DPP8: variants seen among roughly 807,000 people sequenced by gnomAD.
DPP8 encodes the protein DPP VIII.
In DPP8, 31 loss-of-function variants were observed where a neutral mutation model predicts 107.5. That is an observed-to-expected ratio of 0.29 (90% CI 0.22 to 0.39). The LOEUF is 0.39. Ranked by LOEUF, DPP8 falls within the 10% of genes least tolerant of loss-of-function variation. DPP8 has a pLI of 1.00. For missense variants in DPP8, 842 were observed against 1,076.1 expected, an observed-to-expected ratio of 0.78 and a Z score of 3.04; for synonymous variants, 381 against 356.6, an observed-to-expected ratio of 1.07 and a Z score of -0.77.
At chr15:65,485,531 C>T (rs1596004769) in intron 7 of DPP8, among the ~76,000 whole-genome samples, 3 of 116,724 alleles carry the variant, frequency 2.6e-5, no homozygotes, top group South Asian at 2.6e-4. Flanking sequence ...GTAACAAGAG[C>T]GAGACTCCAT....
At chr15:65,470,217 A>G (rs866917046) in intron 12 of DPP8, among the ~76,000 whole-genome samples, 75 of 150,182 alleles carry the variant, frequency 5.0e-4, no homozygotes, top group East Asian at 3.7e-3. Context: ...AAAAAAAAAA[A>G]AAAGAAAGAA....
rs1247561677 is a variant in DPP8 at position 65,448,874 on chromosome 15, A to ATGTGTGTG, written c.2527-1869_2527-1868insCACACACA. Among the ~76,000 whole-genome samples the ATGTGTGTG allele has an allele frequency of 3.8e-3, 46 of 12,022 alleles. 2 individuals are homozygous for ATGTGTGTG. Among genetic ancestry groups the ATGTGTGTG allele is most frequent in the South Asian group, 0.012 (6 of 496 alleles). The allele number at this position is 12,022 out of a possible 152,430, so 7.9% of individuals were successfully genotyped here. ...ATACATATATATCTAAAATATATAT[A>ATGTGTGTG]TATATATATATATATATATATATAT... On this transcript the variant is annotated intron_variant, in intron 19 of 19. Transcript: ENST00000300141.
chr15:65,467,054 T>C lies in DPP8; in HGVS notation c.1689+17A>G. 1 of 1,613,544 alleles carries C rather than the reference T, an allele frequency of 6.2e-7. No individual in the cohort carries two copies. The highest frequency in any genetic ancestry group is 2.2e-5 in the East Asian group (1 of 44,876). On this transcript the variant is annotated intron_variant, in intron 13 of 19. Coordinates refer to ENST00000300141, the MANE Select transcript of DPP8 (RefSeq NM_130434.5). Reference sequence around the variant, plus strand: ...GTTTTAATATGACACAAAACCCTTTTTAAACAAACTTAATACCTGACTGAT... The same window carrying C: ...GTTTTAATATGACACAAAACCCTTTCTAAACAAACTTAATACCTGACTGAT...
chr15:65,499,105 G>GTGTGTGTGTGTGTGTGTGTGTGTGTATA lies in DPP8; in HGVS notation c.547-1074_547-1073insTATACACACACACACACACACACACACA, dbSNP rs1555468189. Reference sequence around the variant, plus strand: ...TGTGTGTGTGTGTGTGTGTGTGTGTGTATATATAAATTTATTAAGATGAAT... The same window carrying GTGTGTGTGTGTGTGTGTGTGTGTGTATA: ...TGTGTGTGTGTGTGTGTGTGTGTGTGTGTGTGTGTGTGTGTGTGTGTGTGTATATATATATAAATTTATTAAGATGAAT... On this transcript the variant is annotated intron_variant, in intron 4 of 19. Transcript: ENST00000300141. Among the ~76,000 whole-genome samples, 17 of 138,826 alleles carry GTGTGTGTGTGTGTGTGTGTGTGTGTATA rather than the reference G, an allele frequency of 1.2e-4. No homozygotes were observed. The Middle Eastern group carries it at 0.011, about 87-fold the overall frequency. 91.1% of individuals were successfully genotyped at this position (138,826 alleles called of 152,430 possible).
At chr15:65,459,741 G>A (rs1435897687) in intron 15 of DPP8, among the ~76,000 whole-genome samples, 1 of 152,078 alleles carries the variant, frequency 6.6e-6, no homozygotes, top group Non-Finnish European at 1.5e-5. Flanking sequence ...GATCACCTGA[G>A]GTCAGGAGTT....
intron 5 of DPP8, among the ~76,000 whole-genome samples, chr15:65,493,973 T>C (rs1304405798): frequency 2.1e-5 from 3 of 144,872 alleles, no homozygotes; most frequent in Non-Finnish European, 4.4e-5. Flanking sequence ...TTTCAGGCAC[T>C]ATCCTGAATA....
chr15:65,447,706 T>C (rs927722370), intron 19 of DPP8, among the ~76,000 whole-genome samples: 1 of 152,154 alleles, frequency 6.6e-6, no homozygotes, highest in African/African-American at 2.4e-5. Context: ...ACTATGGTTA[T>C]TTAGGGTATC....
chr15:65,513,772 T>C (rs1005597884), intron 1 of DPP8, among the ~76,000 whole-genome samples: 1 of 152,200 alleles, frequency 6.6e-6, no homozygotes, highest in African/African-American at 2.4e-5. Context: ...AATCCAGAAG[T>C]TGCATTTCTC....
chr15:65,498,076 C>G, intron 4 of DPP8, 44 bp from the exon 5 acceptor site: 1 of 1,402,446 alleles, frequency 7.1e-7, no homozygotes, highest in Non-Finnish European at 9.7e-7. Context: ...TAGGCTGACA[C>G]ATACATGTTC....
chr15:65,461,650 C>T (rs951103278), intron 15 of DPP8, among the ~76,000 whole-genome samples: 17 of 151,652 alleles, frequency 1.1e-4, no homozygotes, highest in African/African-American at 3.4e-4. Context: ...TTGTCCAGGC[C>T]GGAGTGCAGT....
At position 65,474,299 on chromosome 15, in the gene DPP8, ATATAAT is replaced by A. The variant is rs1206226855; in HGVS notation, c.1457-17_1457-12del. 8.4e-6 allele frequency: 13 copies of A among 1,556,376 alleles called. No homozygotes were observed. Among genetic ancestry groups the A allele is most frequent in the African/African-American group, 4.1e-5 (3 of 73,674 alleles). ...GACACTTGAAATCACCTGAAGATAAATATAATTATAATTCAGTACATTATACCAGAC... is the reference window on the plus strand; with the variant it reads ...GACACTTGAAATCACCTGAAGATAAATATAATTCAGTACATTATACCAGAC... On this transcript the variant is annotated splice_polypyrimidine_tract_variant and intron_variant, in intron 11 of 19. Coordinates refer to ENST00000300141, the MANE Select transcript of DPP8 (RefSeq NM_130434.5).
At chr15:65,468,268 G>C (rs2065533358) in intron 12 of DPP8, among the ~76,000 whole-genome samples, 1 of 152,168 alleles carries the variant, frequency 6.6e-6, no homozygotes, top group South Asian at 2.1e-4. Context: ...GCCGAAGTGA[G>C]AGGATCGTTT....
chr15:65,454,909 A>G (rs551138446), intron 16 of DPP8, among the ~76,000 whole-genome samples: 1 of 152,096 alleles, frequency 6.6e-6, no homozygotes, highest in Non-Finnish European at 1.5e-5. Context: ...ATCTATTTGG[A>G]GATAGGGGCC....
At chr15:65,513,219 T>C (rs1419911985) in intron 1 of DPP8, among the ~76,000 whole-genome samples, 2 of 47,370 alleles carry the variant, frequency 4.2e-5, no homozygotes, top group Admixed American at 3.5e-4. Flanking sequence ...TGACTCTACA[T>C]TTTTTTTTTT....
chr15:65,456,086 AC>A, intron 16 of DPP8, 138 bp downstream of exon 16: 2 of 1,060,674 alleles, frequency 1.9e-6, no homozygotes, highest in Non-Finnish European at 2.6e-6. Context: ...CTTCTCTCCC[AC>A]CCCCAAACTC....
rs71139408 is a variant in DPP8 at position 65,483,586 on chromosome 15, C to CAATAAAATAAAATAAAATAA, written c.1017+1493_1017+1512dup. 8.3e-4 allele frequency among the ~76,000 whole-genome samples: 117 copies of CAATAAAATAAAATAAAATAA among 140,780 alleles called. 1 individual carries two copies. The highest frequency in any genetic ancestry group is 3.5e-3 in the Middle Eastern group (1 of 286). 92.4% of individuals were successfully genotyped at this position (140,780 alleles called of 152,430 possible). On this transcript the variant is annotated intron_variant, in intron 8 of 19. Transcript: ENST00000300141. ...GGCAGGCTGGAGACTTTTCTTCAAA[C>CAATAAAATAAAATAAAATAA]AATAAAATAAAATAAAATAAAATAA...
At chr15:65,481,653 G>A in intron 8 of DPP8, 38 bp from the exon 9 acceptor site, 1 of 1,173,138 alleles carries the variant, frequency 8.5e-7, no homozygotes, top group South Asian at 1.5e-5. Flanking sequence ...AGTTATAGAA[G>A]ATTTAGATAA....
intron 5 of DPP8, among the ~76,000 whole-genome samples, chr15:65,493,086 TTCTC>T (rs979741229): frequency 1.3e-5 from 2 of 152,068 alleles, no homozygotes; most frequent in East Asian, 3.9e-4. Context: ...TTTTCTTTCT[TTCTC>T]TCTTTTTTTT....
rs771173044 is a variant in DPP8 at position 65,507,374 on chromosome 15, A to G, written c.260-19T>C. 4 of 1,471,180 alleles carry G rather than the reference A, an allele frequency of 2.7e-6. No individual in the cohort carries two copies. In the South Asian group the frequency reaches 3.5e-5, roughly 13 times the overall value. 91.1% of individuals were successfully genotyped at this position (1,471,180 alleles called of 1,614,324 possible). On this transcript the variant is annotated intron_variant, in intron 2 of 19. Coordinates refer to ENST00000300141, the MANE Select transcript of DPP8 (RefSeq NM_130434.5). ...GACATGGCTATAGGAGAAAGCAATC[A>G]TTTATTATTATTTTTTCGAATAGCA...
Sources: gnomAD v4.1 joint callset for allele counts (sites outside exome capture counted in the v4.1 genomes callset) on GRCh38, gnomAD v4.1.1 for gene constraint, MANE v1.5 for transcripts, NCBI Gene and HGNC (gene_info 2026-07-23, HGNC 2026-07-21) for gene names.